Variants in GTSE1 observed in about 807,000 individuals in gnomAD.
GTSE1 encodes the protein G2 and S phase-expressed protein 1.
A neutral mutation model predicts 60.5 loss-of-function variants in GTSE1; 52 were observed. The observed-to-expected ratio is 0.86, with a 90% CI of 0.69 to 1.08. The LOEUF is 1.08. Ranked by LOEUF, GTSE1 falls within the 50% of genes least tolerant of loss-of-function variation. The probability of loss-of-function intolerance (pLI) is 0.00; values close to 1 mark genes in which losing one functional copy is unlikely to be tolerated. For missense variants in GTSE1, 937 were observed against 961.8 expected, an observed-to-expected ratio of 0.97 and a Z score of 0.34; for synonymous variants, 368 against 386.5, an observed-to-expected ratio of 0.95 and a Z score of 0.56.
In GTSE1 at chr22:46,320,597, T is replaced by G. The variant is rs2077806900; in HGVS notation, c.1433-2593T>G. ...TCACAGCGTGGGACCACATGAACGG[T>G]GCCCTGTAGTGGAGGCTTTCATATG... On this transcript the variant is annotated intron_variant, in intron 7 of 11. Coordinates refer to ENST00000454366, the MANE Select transcript of GTSE1 (RefSeq NM_016426.7). This position sits in a 1 kb window ranked among gnomAD's most constrained non-coding sequence, Gnocchi z 7.1. 6.6e-6 allele frequency among the ~76,000 whole-genome samples: 1 copy of G among 152,194 alleles called. No individual in the cohort carries two copies. Among genetic ancestry groups the G allele is most frequent in the African/African-American group, 2.4e-5 (1 of 41,440 alleles).
intron 2 of GTSE1, among the ~76,000 whole-genome samples, chr22:46,307,328 G>C (rs1365953171): frequency 6.6e-6 from 1 of 152,194 alleles, no homozygotes; most frequent in Non-Finnish European, 1.5e-5. Context: ...TGTAAGAGGG[G>C]AATTTAATTC....
In GTSE1 at chr22:46,297,078, T is replaced by A; in HGVS notation, c.-22+147T>A. The A allele has an allele frequency of 3.4e-6, 1 of 292,358 alleles. No homozygotes were observed. The highest frequency in any genetic ancestry group is 6.5e-6 in the Non-Finnish European group (1 of 152,818). The allele number at this position is 292,358 out of a possible 1,614,324, so 18.1% of individuals were successfully genotyped here. On this transcript the variant is annotated intron_variant, in intron 1 of 11. Coordinates refer to ENST00000454366, the MANE Select transcript of GTSE1 (RefSeq NM_016426.7). The surrounding 1 kb of genome is among the most constrained non-coding windows in gnomAD (Gnocchi z 4.9). Reference sequence around the variant, plus strand: ...GGGGTCACTGAGGCCCCTCGCGCCGTGGTCGGGGATGCCGGGAGGTCTAGG... The same window carrying A: ...GGGGTCACTGAGGCCCCTCGCGCCGAGGTCGGGGATGCCGGGAGGTCTAGG...
At chr22:46,328,424 C>T (rs1272480722) in intron 9 of GTSE1, among the ~76,000 whole-genome samples, 6 of 152,194 alleles carry the variant, frequency 3.9e-5, no homozygotes, top group Admixed American at 3.3e-4. Context: ...TGCGCATTAC[C>T]TTGTGTTTAG....
Position 46,326,546 on chromosome 22 carries a change from C to G in GTSE1, c.1616C>G (p.Ser539Cys), listed in dbSNP as rs918916731. ...ALPTPASRRC[S>C]GLPPMTPKTM... Reference sequence around the variant, plus strand: ...CCCACACCCGCCAGCCGGCGCTGCTCTGGCCTTCCACCGATGACCCCCAAA... The same window carrying G: ...CCCACACCCGCCAGCCGGCGCTGCTGTGGCCTTCCACCGATGACCCCCAAA... The change falls in exon 9 of 12, where the codon TCT (serine) becomes TGT (cysteine). Residue 539 changes from serine to cysteine, a missense_variant. Transcript: ENST00000454366. 5 of 1,614,046 alleles carry G rather than the reference C, an allele frequency of 3.1e-6. No individual in the cohort carries two copies. In the African/African-American group the frequency reaches 6.7e-5, roughly 22 times the overall value.
At chr22:46,301,709 G>A (rs1371647947) in intron 2 of GTSE1, among the ~76,000 whole-genome samples, 3 of 151,732 alleles carry the variant, frequency 2.0e-5, no homozygotes, top group African/African-American at 7.3e-5. Flanking sequence ...GGCTGGTCTC[G>A]AACTCCTGAC....
rs2077844890 is a variant in GTSE1 at position 46,326,506 on chromosome 22, CGT to C, written c.1581_1582del (p.Ala529LeufsTer38). On this transcript the variant is annotated frameshift_variant, in exon 9 of 12. Transcript: ENST00000454366. LOFTEE classifies it high-confidence loss of function. ...ACCACAAAGCCTGCTGAGCGCATGG[CGT>C]GTGTCAGCCTTGCCCACACCCGCCA... ...PAPQSLLSAW[R>X]VSALPTPASR... The C allele has an allele frequency of 2.5e-6, 4 of 1,613,930 alleles. No homozygotes were observed. The highest frequency in any genetic ancestry group is 1.1e-5 in the South Asian group (1 of 91,068).
In GTSE1 at chr22:46,329,220, C is replaced by T; in HGVS notation, c.1927-138C>T. The T allele has an allele frequency of 1.3e-6, 1 of 769,410 alleles. No homozygotes were observed. Among genetic ancestry groups the T allele is most frequent in the Non-Finnish European group, 2.3e-6 (1 of 439,078 alleles). 47.7% of individuals were successfully genotyped at this position (769,410 alleles called of 1,614,324 possible). On this transcript the variant is annotated intron_variant, in intron 10 of 11. Transcript: ENST00000454366. This position sits in a 1 kb window ranked among gnomAD's most constrained non-coding sequence, Gnocchi z 6.4. ...GCACGGCCCACCCCATACAGAGCCT[C>T]CTTCCACCAAGGCCCCGCCTGATTC...
chr22:46,321,840 C>CGA lies in GTSE1; in HGVS notation c.1433-1348_1433-1347dup, dbSNP rs2077814279. Among the ~76,000 whole-genome samples, 1 of 152,006 alleles carries CGA rather than the reference C, an allele frequency of 6.6e-6. No individual in the cohort carries two copies. The highest frequency in any genetic ancestry group is 1.5e-5 in the Non-Finnish European group (1 of 67,986). On this transcript the variant is annotated intron_variant, in intron 7 of 11. Transcript: ENST00000454366. The surrounding 1 kb of genome is among the most constrained non-coding windows in gnomAD (Gnocchi z 4.0). ...CTGTAATCCCAGCACTTTGGGAGGC[C>CGA]GAGGCGGGCAATCACTTGAGGTCAG... is the stretch of plus-strand genomic sequence containing the variant.
At position 46,329,112 on chromosome 22, in the gene GTSE1, T is replaced by C; in HGVS notation, c.1926+223T>C. The C allele has an allele frequency of 1.6e-6, 1 of 623,026 alleles. No individual in the cohort carries two copies. The highest frequency in any genetic ancestry group is 2.7e-5 in the East Asian group (1 of 36,816). 38.6% of individuals were successfully genotyped at this position (623,026 alleles called of 1,614,324 possible). A position where few individuals can be genotyped will look rare whatever the true frequency, so the allele number is the denominator to read the frequency against. ...TAAGGCAAGGGTCAGGGATCAAAGC[T>C]GAGGAAGCGGGAAGCAGGGTGGCAG... On this transcript the variant is annotated intron_variant, in intron 10 of 11. Transcript: ENST00000454366. This position sits in a 1 kb window ranked among gnomAD's most constrained non-coding sequence, Gnocchi z 6.4.
At position 46,317,703 on chromosome 22, in the gene GTSE1, G is replaced by C. The variant is rs886493023; in HGVS notation, c.1432+1291G>C. 1.3e-5 allele frequency among the ~76,000 whole-genome samples: 2 copies of C among 152,234 alleles called. No individual in the cohort carries two copies. The highest frequency in any genetic ancestry group is 4.8e-5 in the African/African-American group (2 of 41,460). Reference sequence around the variant, plus strand: ...CTTCCGAGGCTTTTTATGCTTTGAAGTGGTGGGTCTAGCATAGCCTTTCCG... The same window carrying C: ...CTTCCGAGGCTTTTTATGCTTTGAACTGGTGGGTCTAGCATAGCCTTTCCG... On this transcript the variant is annotated intron_variant, in intron 7 of 11. Coordinates refer to ENST00000454366, the MANE Select transcript of GTSE1 (RefSeq NM_016426.7). This position sits in a 1 kb window ranked among gnomAD's most constrained non-coding sequence, Gnocchi z 5.6.
Position 46,297,388 on chromosome 22 carries a change from G to T in GTSE1, c.-13G>T. ...CCCGTTCCACCCTGCAGTGACTTCT[G>T]ACAGCTCTCTCCATGGAAGGAGGCG... On this transcript the variant is annotated 5_prime_UTR_variant, in exon 2 of 12. Transcript: ENST00000454366. This position sits in a 1 kb window ranked among gnomAD's most constrained non-coding sequence, Gnocchi z 4.9. 6.2e-7 allele frequency: 1 copy of T among 1,606,638 alleles called. No individual in the cohort carries two copies. The highest frequency in any genetic ancestry group is 1.1e-5 in the South Asian group (1 of 90,916).
chr22:46,306,738 T>G (rs956515196), intron 2 of GTSE1, among the ~76,000 whole-genome samples: 16 of 152,228 alleles, frequency 1.1e-4, no homozygotes, highest in African/African-American at 3.4e-4. Context: ...TCTGCCTGCC[T>G]CAGCCTCCCA....
intron 4 of GTSE1, among the ~76,000 whole-genome samples, chr22:46,311,053 G>T: frequency 6.7e-6 from 1 of 149,984 alleles, no homozygotes; most frequent in Admixed American, 6.6e-5. Context: ...CCGCTAATGG[G>T]TACAGGTTGT....
chr22:46,317,522 T>A lies in GTSE1; in HGVS notation c.1432+1110T>A, dbSNP rs117448890. ...TCTGTTTCGACTGACTAATTTTGTT[T>A]CCGGGTTTTGGCCTCATTTTCCTGC... On this transcript the variant is annotated intron_variant, in intron 7 of 11. Transcript: ENST00000454366. This position sits in a 1 kb window ranked among gnomAD's most constrained non-coding sequence, Gnocchi z 5.6. 6.6e-6 allele frequency among the ~76,000 whole-genome samples: 1 copy of A among 152,228 alleles called. No individual in the cohort carries two copies. The highest frequency in any genetic ancestry group is 2.4e-5 in the African/African-American group (1 of 41,458).
chr22:46,305,753 G>A (rs948501432), intron 2 of GTSE1, among the ~76,000 whole-genome samples: 2 of 148,018 alleles, frequency 1.4e-5, no homozygotes, highest in Non-Finnish European at 3.0e-5. Flanking sequence ...CTAAAAATAC[G>A]AAAATTAGCC....
In GTSE1 at chr22:46,304,416, G is replaced by A. The variant is rs1172083815; in HGVS notation, c.80-3734G>A. 1.3e-5 allele frequency among the ~76,000 whole-genome samples: 2 copies of A among 152,114 alleles called. No individual in the cohort carries two copies. Among genetic ancestry groups the A allele is most frequent in the African/African-American group, 4.8e-5 (2 of 41,418 alleles). On this transcript the variant is annotated intron_variant, in intron 2 of 11. Transcript: ENST00000454366. The surrounding 1 kb of genome is among the most constrained non-coding windows in gnomAD (Gnocchi z 4.4). ...CCCACTGAACCTAATGCTGGCTTTG[G>A]GTTGAGATGGGGATTTCCTTATATA...
chr22:46,299,937 C>T (rs1375773803), intron 2 of GTSE1, among the ~76,000 whole-genome samples: 4 of 146,492 alleles, frequency 2.7e-5, no homozygotes, highest in African/African-American at 7.6e-5. Context: ...GGACTACAGG[C>T]GCCCGCCACC....
In GTSE1 at chr22:46,314,032, T is replaced by G; in HGVS notation, c.1051+19T>G. ...GGCAAAGGTGAGGCAGCCGGCATCA[T>G]GCTTGGACCCACATCTGGCCAGGTG... On this transcript the variant is annotated intron_variant, in intron 6 of 11. Transcript: ENST00000454366. This position sits in a 1 kb window ranked among gnomAD's most constrained non-coding sequence, Gnocchi z 7.1. 1 of 1,613,458 alleles carries G rather than the reference T, an allele frequency of 6.2e-7. No individual in the cohort carries two copies. Among genetic ancestry groups the G allele is most frequent in the Non-Finnish European group, 8.5e-7 (1 of 1,179,560 alleles).
chr22:46,325,486 C>T (rs1050617915), intron 8 of GTSE1, among the ~76,000 whole-genome samples: 4 of 151,988 alleles, frequency 2.6e-5, no homozygotes, highest in South Asian at 2.1e-4. Flanking sequence ...GTGAGCCACC[C>T]GCCCGGCCTA....
Sources: allele counts gnomAD v4.1 joint callset (sites outside exome capture counted in the v4.1 genomes callset), GRCh38; gene constraint gnomAD v4.1.1; non-coding constraint Gnocchi (gnomAD v3.1); transcripts MANE v1.5; gene names NCBI Gene and HGNC (gene_info 2026-07-23, HGNC 2026-07-21).